The following PDZRN3 variants were observed in gnomAD, a reference collection of about 807,000 sequenced individuals.
PDZRN3 encodes the protein E3 ubiquitin-protein ligase PDZRN3.
In PDZRN3, 38 loss-of-function variants were observed where a neutral mutation model predicts 85.7. The observed-to-expected ratio is 0.44, with a 90% CI of 0.34 to 0.58. The LOEUF (loss-of-function observed/expected upper bound fraction) is 0.58. PDZRN3 is among the 20% of genes least tolerant of loss of function. PDZRN3 has a pLI of 0.01. For missense variants in PDZRN3, 1,629 were observed against 1,506.4 expected, an observed-to-expected ratio of 1.08 and a Z score of -1.35; for synonymous variants, 759 against 638.0, an observed-to-expected ratio of 1.19 and a Z score of -2.86.
In PDZRN3 at chr3:73,384,361, C is replaced by T. The variant is rs781088192; in HGVS notation, c.2205G>A (p.Val735=). Residue 735 remains valine, a synonymous_variant, in exon 10 of 10, where the codon GTG becomes GTA. Coordinates refer to ENST00000263666, the MANE Select transcript of PDZRN3 (RefSeq NM_015009.3). ...GFRNYNTSID[V]RRHELSDITE... ...TGATATCTGAGAGCTCGTGTCTGCG[C>T]ACGTCGATGCTGGTGTTGTAGTTGC... is the stretch of plus-strand genomic sequence containing the variant. 3.1e-6 allele frequency: 5 copies of T among 1,609,462 alleles called. No homozygotes were observed. In the East Asian group the frequency reaches 8.9e-5, roughly 29 times the overall value.
At chr3:73,512,265 A>T (rs1704179838) in intron 3 of PDZRN3, among the ~76,000 whole-genome samples, 1 of 152,222 alleles carries the variant, frequency 6.6e-6, no homozygotes, top group Non-Finnish European at 1.5e-5. Context: ...TCAGACAGGA[A>T]ACACCTGGAA....
intron 2 of PDZRN3, among the ~76,000 whole-genome samples, chr3:73,606,843 TG>T (rs1185471025): frequency 1.3e-5 from 2 of 152,240 alleles, no homozygotes; most frequent in Non-Finnish European, 2.9e-5. Flanking sequence ...AACTGTGGAA[TG>T]GGCTAAAAGC....
At position 73,624,157 on chromosome 3, in the gene PDZRN3, G is replaced by A. The variant is rs768665600; in HGVS notation, c.669C>T (p.Tyr223=). 4.7e-6 allele frequency: 7 copies of A among 1,497,330 alleles called. No homozygotes were observed. In the South Asian group the frequency reaches 7.5e-5, roughly 16 times the overall value. The allele number at this position is 1,497,330 out of a possible 1,614,324, so 92.8% of individuals were successfully genotyped here. A position where few individuals can be genotyped will look rare whatever the true frequency, so the allele number is the denominator to read the frequency against. The change falls in exon 1 of 10, where the codon TAC becomes TAT. Residue 223 remains tyrosine, a synonymous_variant. Coordinates refer to ENST00000263666, the MANE Select transcript of PDZRN3 (RefSeq NM_015009.3). ...GGCTGAGCGAGTCGAGGCGCGCGCT[G>A]TATTCGGTGAATTTCTTCTGGTAGC... ...ALRYQKKFTE[Y]SARLDSLSRC...
At chr3:73,544,167 T>G (rs1374491011) in intron 3 of PDZRN3, among the ~76,000 whole-genome samples, 3 of 152,156 alleles carry the variant, frequency 2.0e-5, no homozygotes, top group Admixed American at 6.5e-5. Context: ...GAGCCAAGAT[T>G]GCACCACTGC....
intron 3 of PDZRN3, among the ~76,000 whole-genome samples, chr3:73,545,019 T>C (rs938868636): frequency 2.0e-5 from 3 of 151,590 alleles, no homozygotes; most frequent in Admixed American, 2.0e-4. Flanking sequence ...AGGGAAGAAA[T>C]AAAAGGAAAA....
At chr3:73,617,468 T>A (rs1702781490) in intron 1 of PDZRN3, among the ~76,000 whole-genome samples, 1 of 152,144 alleles carries the variant, frequency 6.6e-6, no homozygotes, top group Non-Finnish European at 1.5e-5. Context: ...TTCAAAGGCA[T>A]ATGTGGGTGT....
chr3:73,522,226 T>G lies in PDZRN3; in HGVS notation c.918+80128A>C, dbSNP rs537248839. Among the ~76,000 whole-genome samples, 17 of 152,290 alleles carry G rather than the reference T, an allele frequency of 1.1e-4. 1 individual carries two copies. The highest frequency in any genetic ancestry group is 3.9e-4 in the African/African-American group (16 of 41,552). ...GACTCTCTGGCCCTTTAAAGAAGTA[T>G]GCTGGCCCCTGATCGACAGTAACAC... On this transcript the variant is annotated intron_variant, in intron 3 of 9. Transcript: ENST00000263666.
rs2106925875 is a variant in PDZRN3 at position 73,624,200 on chromosome 3, A to C, written c.626T>G (p.Leu209Arg). The C allele has an allele frequency of 6.7e-7, 1 of 1,491,808 alleles. No homozygotes were observed. Among genetic ancestry groups the C allele is most frequent in the Non-Finnish European group, 8.9e-7 (1 of 1,126,938 alleles). 92.4% of individuals were successfully genotyped at this position (1,491,808 alleles called of 1,614,324 possible). A position where few individuals can be genotyped will look rare whatever the true frequency, so the allele number is the denominator to read the frequency against. Residue 209 changes from leucine (L) to arginine (R), a missense_variant, in exon 1 of 10, where the codon CTG becomes CGG. Leu to Arg is a moderately radical substitution (Grantham distance 102). Transcript: ENST00000263666. ...VAQLAAAQLE[L>R]QMTALRYQKK... is the part of the protein sequence containing the mutation. ...CTGGTAGCGCAGCGCGGTCATCTGCAGCTCAAGCTGCGCCGCGGCCAGCTG... is the reference window on the plus strand; with the variant it reads ...CTGGTAGCGCAGCGCGGTCATCTGCCGCTCAAGCTGCGCCGCGGCCAGCTG...
chr3:73,425,053 T>C (rs1473460049), intron 3 of PDZRN3, among the ~76,000 whole-genome samples: 1 of 151,994 alleles, frequency 6.6e-6, no homozygotes, highest in Non-Finnish European at 1.5e-5. Context: ...CTCGCTCTGT[T>C]GTCCAGGTTG....
intron 5 of PDZRN3, among the ~76,000 whole-genome samples, chr3:73,397,153 C>T (rs553334926): frequency 6.6e-6 from 1 of 152,154 alleles, no homozygotes; most frequent in East Asian, 1.9e-4. Flanking sequence ...CCTGCCTCAG[C>T]CTCCCGAGTA....
At chr3:73,587,022 C>G (rs1023779984) in intron 3 of PDZRN3, among the ~76,000 whole-genome samples, 1 of 152,180 alleles carries the variant, frequency 6.6e-6, no homozygotes, top group African/African-American at 2.4e-5. Context: ...GTTTTTGCAA[C>G]AGGTTTGATT....
chr3:73,513,992 A>G (rs1429898304), intron 3 of PDZRN3, among the ~76,000 whole-genome samples: 1 of 152,256 alleles, frequency 6.6e-6, no homozygotes, highest in Non-Finnish European at 1.5e-5. Context: ...TGTCAAACAA[A>G]ATAAAACCAT....
intron 3 of PDZRN3, among the ~76,000 whole-genome samples, chr3:73,422,755 C>A (rs1039209565): frequency 6.6e-6 from 1 of 152,116 alleles, no homozygotes; most frequent in Non-Finnish European, 1.5e-5. Flanking sequence ...CAATCCATGG[C>A]GCAACTTGGA....
intron 3 of PDZRN3, among the ~76,000 whole-genome samples, chr3:73,491,290 A>AG (rs1271612462): frequency 6.6e-6 from 1 of 152,208 alleles, no homozygotes; most frequent in East Asian, 1.9e-4. Context: ...ATGGTTCACC[A>AG]GGGGCCCCTT....
At chr3:73,462,962 A>G (rs983568596) in intron 3 of PDZRN3, among the ~76,000 whole-genome samples, 2 of 152,212 alleles carry the variant, frequency 1.3e-5, no homozygotes, top group African/African-American at 4.8e-5. Context: ...GCTCTTGACC[A>G]GCTAAATATG....
intron 3 of PDZRN3, among the ~76,000 whole-genome samples, chr3:73,468,998 T>G (rs1703279640): frequency 6.6e-6 from 1 of 152,098 alleles, no homozygotes; most frequent in Non-Finnish European, 1.5e-5. Context: ...CTATTATTAT[T>G]ATGATTATAC....
chr3:73,402,797 G>A (rs1194152180), intron 4 of PDZRN3, among the ~76,000 whole-genome samples: 2 of 152,198 alleles, frequency 1.3e-5, no homozygotes, highest in African/African-American at 4.8e-5. Context: ...GGATTCTCCT[G>A]TAAGAGGTGA....
At chr3:73,514,886 T>C (rs543963648) in intron 3 of PDZRN3, among the ~76,000 whole-genome samples, 18 of 152,294 alleles carry the variant, frequency 1.2e-4, no homozygotes, top group African/African-American at 3.8e-4. Flanking sequence ...AACAATTCTG[T>C]ACCGGAGATA....
chr3:73,514,457 G>T (rs1390389211), intron 3 of PDZRN3, among the ~76,000 whole-genome samples: 1 of 152,206 alleles, frequency 6.6e-6, no homozygotes, highest in East Asian at 1.9e-4. Flanking sequence ...GAAGGAGAGT[G>T]ATACTTAGGG....
Sources: gnomAD v4.1 joint callset for allele counts (sites outside exome capture counted in the v4.1 genomes callset) on GRCh38, gnomAD v4.1.1 for gene constraint, MANE v1.5 for transcripts, NCBI Gene and HGNC (gene_info 2026-07-23, HGNC 2026-07-21) for gene names.